DLGAP5: variants seen among roughly 807,000 people sequenced by gnomAD.
DLGAP5 encodes disks large-associated protein 5.
DLGAP5 carries 90 observed loss-of-function variants against 99.6 expected under a neutral mutation model. The ratio of observed to expected loss-of-function variants is 0.90; its 90% CI spans 0.76 to 1.08. DLGAP5 has a LOEUF of 1.08. Ranked by LOEUF, DLGAP5 falls within the 50% of genes least tolerant of loss-of-function variation. The pLI, the probability that DLGAP5 is intolerant of heterozygous loss-of-function variation, is 0.00. For synonymous variants in DLGAP5, 311 were observed against 321.3 expected, an observed-to-expected ratio of 0.97 and a Z score of 0.34; for missense variants, 1,036 against 983.5, an observed-to-expected ratio of 1.05 and a Z score of -0.71.
intron 7 of DLGAP5, among the ~76,000 whole-genome samples, chr14:55,178,048 C>CACAAGGTCGGGAGATA (rs1883143018): frequency 9.7e-6 from 1 of 102,822 alleles, no homozygotes; most frequent in Non-Finnish European, 1.7e-5. Flanking sequence ...GTCGGGAGAT[C>CACAAGGTCGGGAGATA]GAGACCATCC....
intron 5 of DLGAP5, 38 bp from the exon 6 acceptor site, chr14:55,180,816 G>T (rs751968355): frequency 3.7e-6 from 6 of 1,611,436 alleles, no homozygotes; most frequent in African/African-American, 2.7e-5. Flanking sequence ...AATGTCCCTT[G>T]TAGTTATGAA....
rs192457260 is a variant in DLGAP5 at position 55,154,646 on chromosome 14, C to T, written c.2034G>A (p.Lys678=). The T allele has an allele frequency of 6.2e-7, 1 of 1,614,030 alleles. No individual in the cohort carries two copies. The highest frequency in any genetic ancestry group is 8.5e-7 in the Non-Finnish European group (1 of 1,179,972). Residue 678 remains lysine (K), a synonymous_variant, in exon 15 of 19, where the codon AAG becomes AAA. Transcript: ENST00000247191. ...PQNTKSEHVK[K]TLFLSIPESR... ...TTTCAGGAATACTCAAAAACAAAGT[C>T]TTCTTCACATGTTCACTTTTCGTAT... is the stretch of plus-strand genomic sequence containing the variant.
rs370832129 is a variant in DLGAP5, at chr14:55,154,662, C to T, written c.2018G>A (p.Ser673Asn). 6.2e-7 allele frequency: 1 copy of T among 1,614,002 alleles called. No individual in the cohort carries two copies. Among genetic ancestry groups the T allele is most frequent in the Non-Finnish European group, 8.5e-7 (1 of 1,180,014 alleles). ...PENAGPQNTKSEHVKKTLFLS... is the reference protein window; with the variant it reads ...PENAGPQNTKNEHVKKTLFLS... ...AAACAAAGTCTTCTTCACATGTTCA[C>T]TTTTCGTATTCTGAGGACCGGCATT... The change falls in exon 15 of 19, where the codon AGT becomes AAT. Residue 673 changes from serine (S) to asparagine (N), a missense_variant. Ser to Asn is a conservative substitution (Grantham distance 46, BLOSUM62 1). Transcript: ENST00000247191.
At chr14:55,163,498 C>T (rs778562593) in intron 12 of DLGAP5, among the ~76,000 whole-genome samples, 5 of 152,082 alleles carry the variant, frequency 3.3e-5, no homozygotes, top group African/African-American at 7.3e-5. Flanking sequence ...TAAAAACATC[C>T]GTGTGCAGGT....
At chr14:55,152,394 CTGATA>C (rs913449643) in intron 16 of DLGAP5, among the ~76,000 whole-genome samples, 191 bp downstream of exon 16, 1 of 152,192 alleles carries the variant, frequency 6.6e-6, no homozygotes, top group Non-Finnish European at 1.5e-5. Flanking sequence ...CATATTCATT[CTGATA>C]TGAGTTGAAG....
rs766933512 is a variant in DLGAP5, at chr14:55,183,649, G to T, written c.343C>A (p.Arg115=). 2.0e-5 allele frequency: 32 copies of T among 1,611,980 alleles called. No individual in the cohort carries two copies. The highest frequency in any genetic ancestry group is 2.7e-5 in the Non-Finnish European group (32 of 1,179,446). ...KLKEQREKAK[R]GIFKVGRYRP... is the part of the protein sequence containing the mutation. ...TAACGACCCACTTTAAATATTCCTCGTTTAGCTTTCTCTCTCTGCTCTTTC... is the reference window on the plus strand; with the variant it reads ...TAACGACCCACTTTAAATATTCCTCTTTTAGCTTTCTCTCTCTGCTCTTTC... The change falls in exon 3 of 19, where the codon CGA becomes AGA. Residue 115 remains arginine (R), a synonymous_variant. Coordinates refer to ENST00000247191, the MANE Select transcript of DLGAP5 (RefSeq NM_014750.5).
intron 13 of DLGAP5, among the ~76,000 whole-genome samples, chr14:55,160,382 A>G (rs1882375348): frequency 6.6e-6 from 1 of 150,744 alleles, no homozygotes; most frequent in Non-Finnish European, 1.5e-5. Context: ...GCAACACAGC[A>G]AGACTCTATA....
intron 14 of DLGAP5, among the ~76,000 whole-genome samples, chr14:55,155,607 C>T (rs867849785): frequency 6.6e-6 from 1 of 152,140 alleles, no homozygotes; most frequent in Middle Eastern, 3.4e-3. Flanking sequence ...CTCAGCCTCC[C>T]AAAGTACTGG....
chr14:55,172,807 C>G (rs544325409), intron 10 of DLGAP5, among the ~76,000 whole-genome samples: 2 of 151,714 alleles, frequency 1.3e-5, no homozygotes, highest in African/African-American at 4.8e-5. Flanking sequence ...CATGGTGAAA[C>G]CCCGTCTCTA....
chr14:55,165,307 C>A (rs892499933), intron 12 of DLGAP5, among the ~76,000 whole-genome samples: 1 of 152,066 alleles, frequency 6.6e-6, no homozygotes, highest in Non-Finnish European at 1.5e-5. Context: ...ATCGCTTGAG[C>A]TCAGGAGTAA....
chr14:55,170,084 G>A (rs1048321755), intron 11 of DLGAP5, among the ~76,000 whole-genome samples: 23 of 151,640 alleles, frequency 1.5e-4, no homozygotes, highest in Admixed American at 6.6e-5. Flanking sequence ...GCAGGGAGCC[G>A]ATATGGCGCC....
At chr14:55,176,783 C>G (rs8009009) in intron 8 of DLGAP5, among the ~76,000 whole-genome samples, 12,473 of 151,654 alleles carry the variant, frequency 0.082, 1,379 homozygotes, top group African/African-American at 0.25. Context: ...TCGAGACCAT[C>G]CTGGCTAACA....
Position 55,177,153 on chromosome 14 carries a change from G to A in DLGAP5, c.958C>T (p.Leu320=). ...ATAGGTGTTACTTGATAGGTCTTCAGACCATCCAGTGGCTGAAACATAAAA... is the reference window on the plus strand; with the variant it reads ...ATAGGTGTTACTTGATAGGTCTTCAAACCATCCAGTGGCTGAAACATAAAA... ...KDFMFQPLDG[L]KTYQVTPMTP... The change falls in exon 8 of 19, where the codon CTG becomes TTG. Residue 320 remains leucine (L), a synonymous_variant. Coordinates refer to ENST00000247191, the MANE Select transcript of DLGAP5 (RefSeq NM_014750.5). 1 of 1,610,774 alleles carries A rather than the reference G, an allele frequency of 6.2e-7. No individual in the cohort carries two copies.
intron 4 of DLGAP5, 27 bp downstream of exon 4, chr14:55,182,343 G>C: frequency 6.3e-7 from 1 of 1,577,468 alleles, no homozygotes; most frequent in Non-Finnish European, 8.6e-7. Flanking sequence ...TATCATTTTA[G>C]TAACAATTAT....
chr14:55,180,641 A>T lies in DLGAP5; in HGVS notation c.703+15T>A. Reference sequence around the variant, plus strand: ...AACATTCTAGTTCAGTCACTGATCAAGGAATAGTTCTCACCATTAGCAGCT... The same window carrying T: ...AACATTCTAGTTCAGTCACTGATCATGGAATAGTTCTCACCATTAGCAGCT... On this transcript the variant is annotated intron_variant, in intron 6 of 18. Coordinates refer to ENST00000247191, the MANE Select transcript of DLGAP5 (RefSeq NM_014750.5). 6.2e-7 allele frequency: 1 copy of T among 1,613,952 alleles called. No homozygotes were observed. The highest frequency in any genetic ancestry group is 8.5e-7 in the Non-Finnish European group (1 of 1,179,878).
At position 55,182,454 on chromosome 14, in the gene DLGAP5, T is replaced by C. The variant is rs201880275; in HGVS notation, c.433-22A>G. 109 of 1,586,832 alleles carry C rather than the reference T, an allele frequency of 6.9e-5. 1 individual carries two copies. The Admixed American group carries it at 8.2e-4, about 12-fold the overall frequency. On this transcript the variant is annotated intron_variant, in intron 3 of 18. Transcript: ENST00000247191. ...TAGCCTTAGAACAGTCAAAAGAAGA[T>C]GAACTTAAAATATGAACTGGTAAAG...
At chr14:55,176,805 C>T (rs1046959996) in intron 8 of DLGAP5, among the ~76,000 whole-genome samples, 4 of 151,324 alleles carry the variant, frequency 2.6e-5, no homozygotes, top group African/African-American at 7.3e-5. Context: ...GGTGAAACCC[C>T]GTCTCTACTA....
At chr14:55,162,257 T>C (rs983437249) in intron 13 of DLGAP5, among the ~76,000 whole-genome samples, 1 of 152,202 alleles carries the variant, frequency 6.6e-6, no homozygotes, top group Non-Finnish European at 1.5e-5. Context: ...ATTTGACACA[T>C]ACTAAGCATT....
At chr14:55,168,185 T>C (rs1277978770) in intron 12 of DLGAP5, among the ~76,000 whole-genome samples, 4 of 152,168 alleles carry the variant, frequency 2.6e-5, no homozygotes, top group African/African-American at 9.7e-5. Context: ...ACTCCTGGGC[T>C]CAAGTGATCC....
Sources: gnomAD v4.1 joint callset for allele counts (sites outside exome capture counted in the v4.1 genomes callset) on GRCh38, gnomAD v4.1.1 for gene constraint, MANE v1.5 for transcripts, NCBI Gene and HGNC (gene_info 2026-07-23, HGNC 2026-07-21) for gene names.